Variants in JMJD1C observed in about 807,000 individuals in gnomAD.
JMJD1C encodes the protein jumonji domain containing 1C.
Under a neutral mutation model 245.3 loss-of-function variants are expected in JMJD1C, and 31 were observed. The ratio of observed to expected loss-of-function variants is 0.13; its 90% CI spans 0.09 to 0.17. The LOEUF is 0.17. Ranked by LOEUF, JMJD1C falls within the 10% of genes least tolerant of loss-of-function variation. The pLI is 1.00. For synonymous variants in JMJD1C, 1,057 were observed against 1,017.4 expected (o/e 1.04, Z -0.74); for missense variants, 2,691 against 3,000.2 (o/e 0.90, Z 2.41).
rs578256749 is a variant in JMJD1C at position 63,481,637 on chromosome 10, A to G, written n.113+40101T>C. Reference sequence around the variant, plus strand: ...TTTTAAATGTCTTCTCCTGCCACCCAGAACATTTTTGGATCTCTTCCATAA... The same window carrying G: ...TTTTAAATGTCTTCTCCTGCCACCCGGAACATTTTTGGATCTCTTCCATAA... On this transcript the variant is annotated intron_variant and non_coding_transcript_variant, in intron 1 of 3. Coordinates refer to the JMJD1C transcript ENST00000633035. 3.9e-4 allele frequency among the ~76,000 whole-genome samples: 60 copies of G among 152,352 alleles called. 1 individual carries two copies. The highest frequency in any genetic ancestry group is 1.4e-3 in the African/African-American group (58 of 41,582).
intron 17 of JMJD1C, 52 bp downstream of exon 17, chr10:63,190,842 A>G: frequency 4.3e-6 from 6 of 1,402,810 alleles, no homozygotes; most frequent in Non-Finnish European, 6.1e-6. Flanking sequence ...TAAGTCTCCA[A>G]ATCATCTCTA....
intron 2 of JMJD1C, among the ~76,000 whole-genome samples, chr10:63,281,298 C>G (rs1857354523): frequency 8.0e-6 from 1 of 125,036 alleles, no homozygotes; most frequent in Admixed American, 8.3e-5. Context: ...CCATGCCCGG[C>G]TAATTTTTCT....
chr10:63,353,094 GA>G (rs1221207310), intron 2 of JMJD1C, among the ~76,000 whole-genome samples: 2 of 152,180 alleles, frequency 1.3e-5, no homozygotes, highest in African/African-American at 4.8e-5. Flanking sequence ...ATGAAGTTAG[GA>G]AAATTTATTA....
At chr10:63,191,502 T>C (rs1352834065) in intron 16 of JMJD1C, among the ~76,000 whole-genome samples, 1 of 152,170 alleles carries the variant, frequency 6.6e-6, no homozygotes, top group East Asian at 1.9e-4. Context: ...CATTTTCTAC[T>C]GTGAGATAAA....
At chr10:63,518,012 C>T (rs1955076400) in intron 1 of JMJD1C, among the ~76,000 whole-genome samples, 1 of 152,120 alleles carries the variant, frequency 6.6e-6, no homozygotes, top group South Asian at 2.1e-4. Context: ...AGGATGGCCT[C>T]GAACTCTTGG....
chr10:63,446,384 G>A (rs1247009436), intron 1 of JMJD1C, among the ~76,000 whole-genome samples: 1 of 152,140 alleles, frequency 6.6e-6, no homozygotes. Flanking sequence ...ATGCCTATTA[G>A]ACATCCAAAT....
Position 63,214,775 on chromosome 10 carries a change from C to G in JMJD1C, c.1392G>C (p.Ser464=), listed in dbSNP as rs142118527. The change falls in exon 8 of 26, where the codon TCG becomes TCC. Residue 464 remains serine (S), a synonymous_variant. Coordinates refer to ENST00000399262, the MANE Select transcript of JMJD1C (RefSeq NM_032776.3). ...TQLQEDMIIH[S]SEQSTVSDHN... is the part of the protein sequence containing the mutation. ...GATCAGAAACTGTGGACTGTTCTGA[C>G]GAATGAATAATCATATCTTCTTGAA... The G allele has an allele frequency of 1.2e-6, 2 of 1,613,506 alleles. No homozygotes were observed. The highest frequency in any genetic ancestry group is 1.7e-6 in the Non-Finnish European group (2 of 1,179,624).
At chr10:63,286,100 T>C (rs1857954157) in intron 2 of JMJD1C, among the ~76,000 whole-genome samples, 2 of 152,240 alleles carry the variant, frequency 1.3e-5, no homozygotes, top group Non-Finnish European at 2.9e-5. Context: ...GTCATTCTGA[T>C]ACACTATCAA....
rs1236156823 is a variant in JMJD1C, at chr10:63,465,937, C to T, written c.-275G>A. 7.1e-6 allele frequency: 4 copies of T among 561,922 alleles called. No homozygotes were observed. The highest frequency in any genetic ancestry group is 5.6e-5 in the African/African-American group (3 of 53,290). 34.8% of individuals were successfully genotyped at this position (561,922 alleles called of 1,614,324 possible). Reference sequence around the variant, plus strand: ...AACCCAACGCGGCCGTCGAAGACCCCGAGGCAGCCCAGCCGCCGCCACCGC... The same window carrying T: ...AACCCAACGCGGCCGTCGAAGACCCTGAGGCAGCCCAGCCGCCGCCACCGC... On this transcript the variant is annotated 5_prime_UTR_variant, in exon 1 of 26. Coordinates refer to ENST00000399262, the MANE Select transcript of JMJD1C (RefSeq NM_032776.3).
At position 63,325,014 on chromosome 10, in the gene JMJD1C, GATAT is replaced by G. The variant is rs1189864569; in HGVS notation, c.333+55300_333+55303del. On this transcript the variant is annotated intron_variant, in intron 2 of 25. Coordinates refer to ENST00000399262, the MANE Select transcript of JMJD1C (RefSeq NM_032776.3). ...GCCTTTATTCTCATAAAATGACAAA[GATAT>G]ATATAGTCTAATTCTTAATATTACA... 2.6e-5 allele frequency among the ~76,000 whole-genome samples: 4 copies of G among 152,204 alleles called. No individual in the cohort carries two copies. The East Asian group carries it at 7.7e-4, about 29-fold the overall frequency.
chr10:63,519,155 AAAGTAATCT>A (rs1240151041), intron 1 of JMJD1C, among the ~76,000 whole-genome samples: 1 of 152,234 alleles, frequency 6.6e-6, no homozygotes, highest in Non-Finnish European at 1.5e-5. Context: ...AAAGCAGCAA[AAAGTAATCT>A]AAATGTGGAA....
In JMJD1C at chr10:63,439,693, G is replaced by A. The variant is rs1951255141; in HGVS notation, c.168+25802C>T. Reference sequence around the variant, plus strand: ...AAGTCACCTCAAATTATTTTATTTAGGTAAATAATTGAAAAACAGACCGTA... The same window carrying A: ...AAGTCACCTCAAATTATTTTATTTAAGTAAATAATTGAAAAACAGACCGTA... On this transcript the variant is annotated intron_variant, in intron 1 of 25. Coordinates refer to ENST00000399262, the MANE Select transcript of JMJD1C (RefSeq NM_032776.3). Among the ~76,000 whole-genome samples the A allele has an allele frequency of 3.9e-5, 6 of 152,006 alleles. No homozygotes were observed. In the South Asian group the frequency reaches 1.2e-3, roughly 32 times the overall value.
intron 2 of JMJD1C, among the ~76,000 whole-genome samples, chr10:63,316,797 G>T (rs921739813): frequency 6.6e-6 from 1 of 152,094 alleles, no homozygotes; most frequent in African/African-American, 2.4e-5. Flanking sequence ...TACATGCATA[G>T]AATTGTATTG....
At chr10:63,422,980 T>G (rs1475508400) in intron 1 of JMJD1C, among the ~76,000 whole-genome samples, 1 of 151,920 alleles carries the variant, frequency 6.6e-6, no homozygotes, top group Non-Finnish European at 1.5e-5. Flanking sequence ...TTTTTTTTTT[T>G]GAGACTGAGT....
intron 3 of JMJD1C, among the ~76,000 whole-genome samples, chr10:63,235,968 G>A (rs181783977): frequency 6.6e-6 from 1 of 152,204 alleles, no homozygotes; most frequent in African/African-American, 2.4e-5. Context: ...ATTAAAACCA[G>A]GTTAGAAGAA....
intron 2 of JMJD1C, among the ~76,000 whole-genome samples, chr10:63,318,982 G>C (rs1311865624): frequency 6.6e-6 from 1 of 151,858 alleles, no homozygotes; most frequent in Non-Finnish European, 1.5e-5. Flanking sequence ...TAAAATCTAG[G>C]TTCTCTTCAA....
intron 16 of JMJD1C, 83 bp downstream of exon 16, chr10:63,192,854 CA>C: frequency 9.9e-7 from 1 of 1,014,104 alleles, no homozygotes; most frequent in Non-Finnish European, 1.5e-6. Context: ...TCAATATTAA[CA>C]GTACTTTATT....
intron 2 of JMJD1C, among the ~76,000 whole-genome samples, chr10:63,278,672 T>C (rs1048172528): frequency 6.6e-6 from 1 of 151,390 alleles, no homozygotes; most frequent in Non-Finnish European, 1.5e-5. Context: ...AAATCCTGTC[T>C]CTACTAAAAA....
In JMJD1C at chr10:63,227,092, G is replaced by A. The variant is rs75458548; in HGVS notation, c.448-7109C>T. On this transcript the variant is annotated intron_variant, in intron 3 of 25. Transcript: ENST00000399262. The stretch of plus-strand genomic sequence containing the variant: ...GAAAAGGTTAAAATCAGGCTGGAAT[G>A]TGTATTTTGACAGTAAGACTACTGT... Among the ~76,000 whole-genome samples, 52 of 152,156 alleles carry A rather than the reference G, an allele frequency of 3.4e-4. No individual in the cohort carries two copies. In the East Asian group the frequency reaches 9.3e-3, roughly 27 times the overall value.
Sources: gnomAD v4.1 joint callset for allele counts (sites outside exome capture counted in the v4.1 genomes callset) on GRCh38, gnomAD v4.1.1 for gene constraint, MANE v1.5 for transcripts, NCBI Gene and HGNC (gene_info 2026-07-23, HGNC 2026-07-21) for gene names.